Variants in TBL2 observed in about 807,000 individuals in gnomAD.
TBL2 encodes transducin beta-like protein 2.
A neutral mutation model predicts 41.8 loss-of-function variants in TBL2; 33 were observed. That is an observed-to-expected ratio of 0.79 (90% CI 0.60 to 1.06). The LOEUF (loss-of-function observed/expected upper bound fraction) is 1.06, where lower values mean the gene tolerates loss of function less well. Among genes scored for constraint, TBL2 ranks in the 50% least tolerant of loss-of-function variants. TBL2 has a pLI of 0.00. For synonymous variants in TBL2, 239 were observed against 241.7 expected (o/e 0.99, Z 0.10); for missense variants, 522 against 603.8 (o/e 0.86, Z 1.42).
chr7:73,575,604 G>GT (rs1793262395), intron 1 of TBL2, among the ~76,000 whole-genome samples: 1 of 151,790 alleles, frequency 6.6e-6, no homozygotes. Context: ...CAATTTTTTT[G>GT]TTTTTTTAGT....
At chr7:73,574,552 GATAAGCATTTACTGCCCACCTATGAT>G in intron 1 of TBL2, 39 bp from the exon 2 acceptor site, 1 of 1,614,028 alleles carries the variant, frequency 6.2e-7, no homozygotes, top group East Asian at 2.2e-5. Context: ...GTTACTCACT[GATAAGCATTTACTGCCCACCTATGAT>G]GAGCCAGGCA....
chr7:73,569,912 T>C lies in TBL2; in HGVS notation c.*595A>G, dbSNP rs551212430. On this transcript the variant is annotated 3_prime_UTR_variant, in exon 7 of 7. Transcript: ENST00000305632. ...CTTTCATGACATTGGACAATAGTAC[T>C]ACTCTTTTCTACTTTTCTTCCAGAC... is the stretch of plus-strand genomic sequence containing the variant. 1 of 152,412 alleles carries C rather than the reference T, an allele frequency of 6.6e-6. No individual in the cohort carries two copies. Among genetic ancestry groups the C allele is most frequent in the African/African-American group, 2.4e-5 (1 of 41,590 alleles). The allele number at this position is 152,412 out of a possible 1,614,324, so 9.4% of individuals were successfully genotyped here. A position where few individuals can be genotyped will look rare whatever the true frequency, so the allele number is the denominator to read the frequency against.
intron 3 of TBL2, 81 bp from the exon 4 acceptor site, chr7:73,573,552 G>C: frequency 6.4e-7 from 1 of 1,568,486 alleles, no homozygotes; most frequent in East Asian, 2.2e-5. Flanking sequence ...GGTTCTCGGG[G>C]AAGTCAAGAT....
rs1225686666 is a variant in TBL2, at chr7:73,574,452, A to G, written c.192T>C (p.Tyr64=). 1 of 1,614,030 alleles carries G rather than the reference A, an allele frequency of 6.2e-7. No homozygotes were observed. The highest frequency in any genetic ancestry group is 8.5e-7 in the Non-Finnish European group (1 of 1,180,048). ...GAGGCTTCTCCTTCCGAATCCGCTGATATTGTTTCTGCTTCTTGGATCCCG... is the reference window on the plus strand; with the variant it reads ...GAGGCTTCTCCTTCCGAATCCGCTGGTATTGTTTCTGCTTCTTGGATCCCG... The part of the protein sequence containing the change: ...KSSGSKKQKQ[Y]QRIRKEKPQQ... Residue 64 remains tyrosine, a synonymous_variant, in exon 2 of 7, where the codon TAT becomes TAC. Transcript: ENST00000305632.
rs140134641 is a variant in TBL2 at position 73,573,462 on chromosome 7, G to T, written c.456C>A (p.Ile152=). 9 of 1,613,870 alleles carry T rather than the reference G, an allele frequency of 5.6e-6. No homozygotes were observed. In the African/African-American group the frequency reaches 1.2e-4, roughly 22 times the overall value. Residue 152 remains isoleucine, a synonymous_variant, in exon 4 of 7, where the codon ATC becomes ATA. Transcript: ENST00000305632. ...GGGTGTCCCCGTTGGCCAGCCAGAC[G>T]ATGAAGGCTCTAGAGACAGGCAGCA... ...VRFSPDCRAF[I]VWLANGDTLR...
rs992384303 is a variant in TBL2 at position 73,568,364 on chromosome 7, A to T, written c.*2143T>A. On this transcript the variant is annotated 3_prime_UTR_variant, in exon 7 of 7. Coordinates refer to ENST00000305632, the MANE Select transcript of TBL2 (RefSeq NM_012453.4). Reference sequence around the variant, plus strand: ...GACCTTAGTGTTTTGTTTGGTCCAGATAGTGTTTAGTTATTTAAGTTGCTC... The same window carrying T: ...GACCTTAGTGTTTTGTTTGGTCCAGTTAGTGTTTAGTTATTTAAGTTGCTC... Among the ~76,000 whole-genome samples, 1 of 152,112 alleles carries T rather than the reference A, an allele frequency of 6.6e-6. No individual in the cohort carries two copies. Among genetic ancestry groups the T allele is most frequent in the African/African-American group, 2.4e-5 (1 of 41,432 alleles).
chr7:73,571,256 G>C lies in TBL2; in HGVS notation c.811C>G (p.Arg271Gly). Residue 271 changes from arginine (R) to glycine (G), a missense_variant, in exon 6 of 7, where the codon CGA (arginine) becomes GGA (glycine). Arg to Gly is a moderately radical substitution (Grantham distance 125). Transcript: ENST00000305632. ...GAGTGGCCCTTTAGTTCGAAGGCTC[G>C]CACCACCTCCTGGAACTCCCCCTTC... Reference protein sequence around the residue: ...GKKGEFQEVVRAFELKGHSAA... With the variant: ...GKKGEFQEVVGAFELKGHSAA... The C allele has an allele frequency of 6.2e-7, 1 of 1,614,166 alleles. No homozygotes were observed.
intron 5 of TBL2, 66 bp downstream of exon 5, chr7:73,572,778 G>A: frequency 1.2e-6 from 2 of 1,609,594 alleles, no homozygotes; most frequent in Non-Finnish European, 1.7e-6. Flanking sequence ...CTGGCTCTCT[G>A]TTCTGTGCCT....
At chr7:73,576,627 T>G (rs1554588992) in intron 1 of TBL2, 1 of 456,560 alleles carries the variant, frequency 2.2e-6, no homozygotes, top group Non-Finnish European at 4.4e-6. Context: ...AGATACTTAA[T>G]TGAGTCACAA....
At chr7:73,577,741 TCACGA>T (rs1793428410) in intron 1 of TBL2, among the ~76,000 whole-genome samples, 1 of 152,068 alleles carries the variant, frequency 6.6e-6, no homozygotes, top group Admixed American at 6.6e-5. Context: ...ATTCCTGGAC[TCACGA>T]CACCCTCCTG....
chr7:73,576,227 C>A (rs540787771), intron 1 of TBL2, among the ~76,000 whole-genome samples: 1 of 145,208 alleles, frequency 6.9e-6, no homozygotes, highest in Non-Finnish European at 1.5e-5. Flanking sequence ...TTGTTTGATA[C>A]AGAGTCTCGC....
In TBL2 at chr7:73,578,550, G is replaced by A. The variant is rs782330328; in HGVS notation, c.-1C>T. ...GCTCCGACATCTGCGAGAGCTCCAT[G>A]TTGGTGGAACCACTGCCACCTCAGC... On this transcript the variant is annotated 5_prime_UTR_variant, in exon 1 of 7. Coordinates refer to ENST00000305632, the MANE Select transcript of TBL2 (RefSeq NM_012453.4). 4 of 1,587,004 alleles carry A rather than the reference G, an allele frequency of 2.5e-6. No homozygotes were observed. The South Asian group carries it at 4.5e-5, about 18-fold the overall frequency.
At chr7:73,574,939 T>A (rs1584033851) in intron 1 of TBL2, 2 of 321,584 alleles carry the variant, frequency 6.2e-6, no homozygotes, top group Non-Finnish European at 1.2e-5. Context: ...AGCACCTTCA[T>A]GTAGAGTGGA....
chr7:73,576,898 C>A (rs188655801), intron 1 of TBL2: 14 of 355,956 alleles, frequency 3.9e-5, no homozygotes, highest in Middle Eastern at 1.0e-3. Context: ...CCTTTGAGAC[C>A]CCACACTACC....
Position 73,570,951 on chromosome 7 carries a change from A to T in TBL2, c.900T>A (p.Asp300Glu), listed in dbSNP as rs200952341. ...CTGTGTCCCACAGTTTCCATGTACC[A>T]TCCTTGGAGACAGAAGCCATCCTGC... ...DSRRMASVSK[D>E]GTWKLWDTDV... Residue 300 changes from aspartate to glutamate, a missense_variant, in exon 7 of 7, where the codon GAT becomes GAA. Physicochemically the swap from Asp to Glu is conservative, Grantham distance 45. Transcript: ENST00000305632. The T allele has an allele frequency of 6.2e-6, 10 of 1,604,832 alleles. No individual in the cohort carries two copies. The Admixed American group carries it at 8.5e-5, about 14-fold the overall frequency.
chr7:73,577,790 C>T (rs1455314367), intron 1 of TBL2, among the ~76,000 whole-genome samples: 2 of 151,712 alleles, frequency 1.3e-5, no homozygotes, highest in African/African-American at 4.8e-5. Flanking sequence ...ACTACAGGGG[C>T]GTGCACAACC....
At chr7:73,578,139 A>T in intron 1 of TBL2, 1 of 996,722 alleles carries the variant, frequency 1.0e-6, no homozygotes, top group Non-Finnish European at 1.4e-6. Context: ...TGAAGAGTTT[A>T]CGGTGCTCTC....
intron 1 of TBL2, chr7:73,576,645 A>G (rs1168084643): frequency 2.2e-6 from 1 of 456,514 alleles, no homozygotes; most frequent in African/African-American, 2.0e-5. Flanking sequence ...CAAAGCTGGC[A>G]TGTGGTAAAT....
Position 73,572,853 on chromosome 7 carries a change from GGA to G in TBL2, c.714_715del (p.Pro239LeufsTer88). ...ACCCCTCCTTGCCCACCTGCCACAGGGAGATACAGCAGCGTGTGTGTTGTTCA... is the reference window on the plus strand; with the variant it reads ...ACCCCTCCTTGCCCACCTGCCACAGGGATACAGCAGCGTGTGTGTTGTTCA... On this transcript the variant is annotated frameshift_variant, in exon 5 of 7. Coordinates refer to ENST00000305632, the MANE Select transcript of TBL2 (RefSeq NM_012453.4). LOFTEE classifies it high-confidence loss of function. 1.2e-6 allele frequency: 2 copies of G among 1,614,104 alleles called. No homozygotes were observed. The highest frequency in any genetic ancestry group is 8.5e-7 in the Non-Finnish European group (1 of 1,179,998).
Sources: allele counts gnomAD v4.1 joint callset (sites outside exome capture counted in the v4.1 genomes callset), GRCh38; gene constraint gnomAD v4.1.1; transcripts MANE v1.5; gene names NCBI Gene and HGNC (gene_info 2026-07-23, HGNC 2026-07-21).